TBC1D15: variants seen among roughly 807,000 people sequenced by gnomAD.
The protein encoded by TBC1D15 is TBC1 domain family member 15.
In TBC1D15, 39 loss-of-function variants were observed where a neutral mutation model predicts 95.4. That is an observed-to-expected ratio of 0.41 (90% CI 0.32 to 0.53). The LOEUF is 0.53. Among genes scored for constraint, TBC1D15 ranks in the 20% least tolerant of loss-of-function variants. The probability of loss-of-function intolerance (pLI) is 0.29; values close to 1 mark genes in which losing one functional copy is unlikely to be tolerated. For missense variants in TBC1D15, 733 were observed against 794.3 expected, an observed-to-expected ratio of 0.92 and a Z score of 0.93; for synonymous variants, 258 against 261.3, an observed-to-expected ratio of 0.99 and a Z score of 0.12.
intron 7 of TBC1D15, among the ~76,000 whole-genome samples, chr12:71,895,628 C>T (rs1245262390): frequency 2.6e-5 from 4 of 151,980 alleles, no homozygotes; most frequent in African/African-American, 9.7e-5. Context: ...AGGTTTCTTA[C>T]AGAATTTACA....
chr12:71,863,168 G>C (rs138809232), intron 1 of TBC1D15, among the ~76,000 whole-genome samples: 4,754 of 152,100 alleles, frequency 0.031, 254 homozygotes, highest in African/African-American at 0.11. Context: ...CACGAGGTCA[G>C]GAGATCGAGA....
intron 1 of TBC1D15, among the ~76,000 whole-genome samples, chr12:71,862,540 A>C (rs952552763): frequency 6.6e-6 from 1 of 152,224 alleles, no homozygotes; most frequent in Non-Finnish European, 1.5e-5. Flanking sequence ...TTTACAGATG[A>C]AGTGAGTTTC....
chr12:71,849,991 C>T (rs1308725272), intron 1 of TBC1D15: 3 of 511,254 alleles, frequency 5.9e-6, no homozygotes, highest in Non-Finnish European at 1.1e-5. Flanking sequence ...GCTCTAAACT[C>T]AAAAAATTAA....
intron 1 of TBC1D15, chr12:71,841,334 C>G (rs2137747258): frequency 6.6e-6 from 1 of 152,328 alleles, no homozygotes; most frequent in East Asian, 1.9e-4. Context: ...AGTCTGACTT[C>G]TTAAAGTGAG....
chr12:71,861,549 T>G (rs1405056822), intron 1 of TBC1D15: 1 of 1,420,918 alleles, frequency 7.0e-7, no homozygotes, highest in Non-Finnish European at 9.3e-7. Flanking sequence ...TTTTAATGTA[T>G]AGTTTTTAAA....
chr12:71,875,725 C>G (rs1893664728), intron 3 of TBC1D15, among the ~76,000 whole-genome samples: 1 of 151,898 alleles, frequency 6.6e-6, no homozygotes, highest in African/African-American at 2.4e-5. Flanking sequence ...ACTTCTAATT[C>G]TGTTATGTTT....
intron 10 of TBC1D15, among the ~76,000 whole-genome samples, chr12:71,903,067 A>G (rs1203603858): frequency 2.0e-5 from 3 of 152,060 alleles, no homozygotes; most frequent in Non-Finnish European, 4.4e-5. Flanking sequence ...GCCCACCACC[A>G]CGGCAGGCTA....
Position 71,921,453 on chromosome 12 carries a change from A to G in TBC1D15, c.1802A>G (p.Lys601Arg), listed in dbSNP as rs769176779. 1.9e-6 allele frequency: 3 copies of G among 1,544,128 alleles called. No homozygotes were observed. Among genetic ancestry groups the G allele is most frequent in the South Asian group, 2.5e-5 (2 of 80,590 alleles). ...ATTTCTCTACAGATGGTAAAATGCA[A>G]GGTATACAGTGTTTCAAGTAATTGC... Reference protein sequence around the residue: ...EAISLQMVKCKELPQAVCEIL... With the variant: ...EAISLQMVKCRELPQAVCEIL... Residue 601 changes from lysine to arginine, a missense_variant and splice_region_variant, in exon 16 of 17, where the codon AAG becomes AGG. Physicochemically the swap from Lys to Arg is conservative, Grantham distance 26 (BLOSUM62 2). Transcript: ENST00000485960.
intron 5 of TBC1D15, among the ~76,000 whole-genome samples, chr12:71,888,101 T>G (rs1192289316): frequency 6.6e-6 from 1 of 152,188 alleles, no homozygotes; most frequent in Non-Finnish European, 1.5e-5. Context: ...GGTATATGTA[T>G]CTTGAATGTG....
chr12:71,870,880 A>G (rs1244863691), intron 1 of TBC1D15, among the ~76,000 whole-genome samples: 3 of 152,182 alleles, frequency 2.0e-5, no homozygotes, highest in Non-Finnish European at 4.4e-5. Flanking sequence ...ACCTATTTAC[A>G]TTTATGAATG....
intron 5 of TBC1D15, among the ~76,000 whole-genome samples, chr12:71,892,704 T>C (rs1897400195): frequency 6.6e-6 from 1 of 151,800 alleles, no homozygotes; most frequent in Non-Finnish European, 1.5e-5. Context: ...TAATGATCTT[T>C]ATCAAATAAC....
intron 1 of TBC1D15, chr12:71,849,727 C>T (rs1247383750): frequency 2.0e-5 from 11 of 552,250 alleles, no homozygotes; most frequent in Non-Finnish European, 7.0e-6. Context: ...ACTCGGGGGT[C>T]ACTCCATTTT....
rs2139154656 is a variant in TBC1D15, at chr12:71,924,025, C to T, written c.*821C>T. 6.6e-6 allele frequency: 1 copy of T among 152,618 alleles called. No homozygotes were observed. The highest frequency in any genetic ancestry group is 1.5e-5 in the Non-Finnish European group (1 of 68,002). The allele number at this position is 152,618 out of a possible 1,614,324, so 9.5% of individuals were successfully genotyped here. ...CCTGGTGTAATTTTAAAATTAATTGCTTGTAACCTCACTTTACTAATAATG... is the reference window on the plus strand; with the variant it reads ...CCTGGTGTAATTTTAAAATTAATTGTTTGTAACCTCACTTTACTAATAATG... On this transcript the variant is annotated 3_prime_UTR_variant, in exon 17 of 17. Coordinates refer to ENST00000485960, the MANE Select transcript of TBC1D15 (RefSeq NM_001146213.3).
intron 1 of TBC1D15, among the ~76,000 whole-genome samples, chr12:71,857,026 C>T (rs185725543): frequency 5.3e-4 from 81 of 151,880 alleles, no homozygotes; most frequent in African/African-American, 1.6e-3. Context: ...TAAAGTAATG[C>T]GTAATAAAAA....
intron 4 of TBC1D15, among the ~76,000 whole-genome samples, chr12:71,883,702 A>G (rs1436455508): frequency 6.6e-6 from 1 of 152,156 alleles, no homozygotes; most frequent in Non-Finnish European, 1.5e-5. Context: ...GACAGAATTA[A>G]TAAAGGTCTT....
intron 3 of TBC1D15, among the ~76,000 whole-genome samples, chr12:71,877,205 TGTGTG>T (rs747552994): frequency 4.7e-5 from 6 of 128,376 alleles, no homozygotes; most frequent in African/African-American, 6.0e-5. Context: ...TGTGTGTGTG[TGTGTG>T]TTTTTTTTTT....
In TBC1D15 at chr12:71,907,736, C is replaced by A. The variant is rs191863624; in HGVS notation, c.1300+598C>A. 4.6e-5 allele frequency: 7 copies of A among 152,314 alleles called. No homozygotes were observed. In the East Asian group the frequency reaches 1.4e-3, roughly 29 times the overall value. The allele number at this position is 152,314 out of a possible 1,614,324, so 9.4% of individuals were successfully genotyped here. A position where few individuals can be genotyped will look rare whatever the true frequency, so the allele number is the denominator to read the frequency against. ...GATAACCATGAACTGAGAAAGTTTG[C>A]AAACCGTTGTTTGATATGCTTTTCC... On this transcript the variant is annotated intron_variant, in intron 11 of 16. Transcript: ENST00000485960.
chr12:71,849,867 A>G lies in TBC1D15; in HGVS notation c.30+10056A>G, dbSNP rs140708931. 1.9e-3 allele frequency: 1,088 copies of G among 571,428 alleles called. 9 individuals carry two copies. The highest frequency in any genetic ancestry group is 0.018 in the African/African-American group (943 of 52,420). The allele number at this position is 571,428 out of a possible 1,614,324, so 35.4% of individuals were successfully genotyped here. ...TAAAATGTGGAGTTTGCTTCTGTCT[A>G]TAGAAGAATGTTTGGGGTCCACCAA... On this transcript the variant is annotated intron_variant, in intron 1 of 16. Transcript: ENST00000485960.
chr12:71,839,858 G>A lies in TBC1D15; in HGVS notation c.30+47G>A, dbSNP rs1208796880. 5 of 1,613,130 alleles carry A rather than the reference G, an allele frequency of 3.1e-6. No individual in the cohort carries two copies. The South Asian group carries it at 5.5e-5, about 18-fold the overall frequency. ...GACCTCGGCTTTTCTCTGGGACGGG[G>A]ATGCTTTTGCTCCCTGGCAGCTGGT... On this transcript the variant is annotated intron_variant, in intron 1 of 16. Coordinates refer to ENST00000485960, the MANE Select transcript of TBC1D15 (RefSeq NM_001146213.3).
Sources: allele counts gnomAD v4.1 joint callset (sites outside exome capture counted in the v4.1 genomes callset), GRCh38; gene constraint gnomAD v4.1.1; transcripts MANE v1.5; gene names NCBI Gene and HGNC (gene_info 2026-07-23, HGNC 2026-07-21).